Variants in MANBA observed in about 807,000 individuals in gnomAD.
MANBA encodes the protein mannosidase beta.
Under a neutral mutation model 111.1 loss-of-function variants are expected in MANBA, and 83 were observed. That is an observed-to-expected ratio of 0.75 (90% CI 0.63 to 0.90). MANBA has a LOEUF of 0.90. Ranked by LOEUF, MANBA falls within the 40% of genes least tolerant of loss-of-function variation. The pLI, the probability that MANBA is intolerant of heterozygous loss-of-function variation, is 0.00. For synonymous variants in MANBA, 370 were observed against 378.7 expected, an observed-to-expected ratio of 0.98 and a Z score of 0.27; for missense variants, 1,036 against 1,069.0, an observed-to-expected ratio of 0.97 and a Z score of 0.43.
intron 12 of MANBA, among the ~76,000 whole-genome samples, chr4:102,654,883 G>T (rs549410629): frequency 3.3e-5 from 5 of 152,028 alleles, no homozygotes; most frequent in Admixed American, 6.6e-5. Context: ...TGGAAAGGAA[G>T]AAGCAATATT....
At chr4:102,680,711 C>G (rs962341143) in intron 7 of MANBA, among the ~76,000 whole-genome samples, 2 of 152,210 alleles carry the variant, frequency 1.3e-5, no homozygotes, top group Admixed American at 6.5e-5. Flanking sequence ...ATGAACTCCA[C>G]AGTGAATACT....
chr4:102,651,741 T>C (rs903512467), intron 12 of MANBA, among the ~76,000 whole-genome samples: 2 of 152,150 alleles, frequency 1.3e-5, no homozygotes, highest in Non-Finnish European at 2.9e-5. Context: ...TACCCAAATA[T>C]AAGAAATGTA....
intron 1 of MANBA, among the ~76,000 whole-genome samples, chr4:102,743,166 T>A (rs1292823450): frequency 1.3e-5 from 2 of 152,260 alleles, no homozygotes; most frequent in Non-Finnish European, 2.9e-5. Context: ...AATATCTTCA[T>A]AGTTTTTGAC....
intron 11 of MANBA, among the ~76,000 whole-genome samples, chr4:102,664,304 A>G (rs1184610228): frequency 6.6e-6 from 1 of 152,230 alleles, no homozygotes; most frequent in Non-Finnish European, 1.5e-5. Flanking sequence ...AAAGGGGCAT[A>G]AAACATACTA....
At chr4:102,733,418 A>G (rs1723100625) in intron 1 of MANBA, among the ~76,000 whole-genome samples, 1 of 151,714 alleles carries the variant, frequency 6.6e-6, no homozygotes, top group African/African-American at 2.4e-5. Flanking sequence ...CAGTGGCACA[A>G]CCATGGTTCA....
At chr4:102,687,595 T>C (rs923627717) in intron 7 of MANBA, among the ~76,000 whole-genome samples, 1 of 152,196 alleles carries the variant, frequency 6.6e-6, no homozygotes, top group Non-Finnish European at 1.5e-5. Context: ...TCCGCCTCTT[T>C]GCTACATTAC....
intron 1 of MANBA, 102 bp from the exon 2 acceptor site, chr4:102,726,785 TA>T: frequency 1.4e-6 from 1 of 713,904 alleles, no homozygotes; most frequent in Non-Finnish European, 2.5e-6. Flanking sequence ...ATTTATCACC[TA>T]AAAATTAACG....
intron 12 of MANBA, among the ~76,000 whole-genome samples, chr4:102,652,832 C>T (rs1425697209): frequency 1.3e-5 from 2 of 152,146 alleles, no homozygotes; most frequent in East Asian, 3.9e-4. Flanking sequence ...GAGTTTGAGG[C>T]TGCAGTGAGT....
chr4:102,643,266 A>T (rs532374148), intron 13 of MANBA, among the ~76,000 whole-genome samples: 2 of 152,330 alleles, frequency 1.3e-5, no homozygotes, highest in African/African-American at 4.8e-5. Context: ...ATTTTATTGT[A>T]TGGAGATGCT....
rs749855296 is a variant in MANBA, at chr4:102,690,623, A to G, written c.822T>C (p.Ile274=). Residue 274 remains isoleucine (I), a synonymous_variant, in exon 6 of 17, where the codon ATT becomes ATC. Coordinates refer to ENST00000647097, the MANE Select transcript of MANBA (RefSeq NM_005908.4). ...YSIELQPGKR[I]VELFVNISKN... Reference sequence around the variant, plus strand: ...TGCTAATGTTCACAAATAGCTCAACAATCCTTTTCCCAGGTTGAAGTTCAA... The same window carrying G: ...TGCTAATGTTCACAAATAGCTCAACGATCCTTTTCCCAGGTTGAAGTTCAA... 1.9e-6 allele frequency: 3 copies of G among 1,612,206 alleles called. No homozygotes were observed. Among genetic ancestry groups the G allele is most frequent in the Non-Finnish European group, 2.5e-6 (3 of 1,178,782 alleles).
At chr4:102,735,883 C>T (rs1723199051) in intron 1 of MANBA, among the ~76,000 whole-genome samples, 1 of 152,196 alleles carries the variant, frequency 6.6e-6, no homozygotes, top group Non-Finnish European at 1.5e-5. Flanking sequence ...AGTGAAGTAG[C>T]TTTCCTGAGG....
intron 7 of MANBA, among the ~76,000 whole-genome samples, chr4:102,681,026 A>G (rs1268939442): frequency 6.6e-6 from 1 of 152,210 alleles, no homozygotes; most frequent in African/African-American, 2.4e-5. Flanking sequence ...AATTCCAGCC[A>G]GGCAGTGGCT....
intron 9 of MANBA, among the ~76,000 whole-genome samples, chr4:102,669,432 T>C (rs1421997460): frequency 2.0e-5 from 3 of 152,336 alleles, no homozygotes; most frequent in East Asian, 3.9e-4. Flanking sequence ...CTGTTAAGAA[T>C]CATACTTCAT....
chr4:102,632,774 T>G (rs566856313), intron 16 of MANBA, among the ~76,000 whole-genome samples: 1 of 152,238 alleles, frequency 6.6e-6, no homozygotes, highest in Admixed American at 6.5e-5. Context: ...TTTTACTGCA[T>G]AGTTAAGTAA....
At chr4:102,735,460 G>GAA (rs1358040300) in intron 1 of MANBA, among the ~76,000 whole-genome samples, 93 of 65,808 alleles carry the variant, frequency 1.4e-3, no homozygotes, top group South Asian at 3.5e-3. Context: ...CATGCATGCT[G>GAA]AAAAAAAAAA....
At chr4:102,734,262 A>G in intron 1 of MANBA, 1 of 1,252,628 alleles carries the variant, frequency 8.0e-7, no homozygotes, top group East Asian at 2.5e-5. Flanking sequence ...TAAACCTACA[A>G]AGTCTACTCT....
At chr4:102,655,296 G>A (rs1040274965) in intron 12 of MANBA, among the ~76,000 whole-genome samples, 1 of 152,000 alleles carries the variant, frequency 6.6e-6, no homozygotes, top group African/African-American at 2.4e-5. Context: ...TAGCTTTTCT[G>A]CAGAAATTGG....
intron 9 of MANBA, among the ~76,000 whole-genome samples, chr4:102,669,967 A>G (rs1447007354): frequency 2.6e-5 from 4 of 151,714 alleles, no homozygotes; most frequent in South Asian, 4.2e-4. Flanking sequence ...GTGACAGAGC[A>G]AGACTCCGTC....
intron 1 of MANBA, 87 bp downstream of exon 1, chr4:102,760,631 C>T: frequency 7.3e-7 from 1 of 1,372,870 alleles, no homozygotes; most frequent in Non-Finnish European, 9.7e-7. Flanking sequence ...TGGCCCAGAG[C>T]TGGGGGCTGC....
Sources: gnomAD v4.1 joint callset for allele counts (sites outside exome capture counted in the v4.1 genomes callset) on GRCh38, gnomAD v4.1.1 for gene constraint, MANE v1.5 for transcripts, NCBI Gene and HGNC (gene_info 2026-07-23, HGNC 2026-07-21) for gene names.